GON4L: variants seen among roughly 807,000 people sequenced by gnomAD.
GON4L encodes the protein GON-4-like protein.
A neutral mutation model predicts 211.8 loss-of-function variants in GON4L; 87 were observed. The observed-to-expected ratio is 0.41, with a 90% CI of 0.35 to 0.49. GON4L has a LOEUF of 0.49. Ranked by LOEUF, GON4L falls within the 20% of genes least tolerant of loss-of-function variation. The pLI is 0.15. For missense variants in GON4L, 2,155 were observed against 2,659.5 expected (o/e 0.81, Z 4.17); for synonymous variants, 875 against 962.6 (o/e 0.91, Z 1.68).
At chr1:155,789,153 AG>A (rs1290603813) in intron 12 of GON4L, among the ~76,000 whole-genome samples, 1 of 151,784 alleles carries the variant, frequency 6.6e-6, no homozygotes, top group Non-Finnish European at 1.5e-5. Flanking sequence ...TTGACTTGGA[AG>A]GGGCATGAGG....
rs543569953 is a variant in GON4L at position 155,846,199 on chromosome 1, T to C, written c.505+7077A>G. ...CCCTACACAACCTCATCAACAAGAT[T>C]GCCAACTGGGATGCAGAGAAGAAAG... On this transcript the variant is annotated intron_variant, in intron 2 of 31. Coordinates refer to ENST00000368331, the MANE Select transcript of GON4L (RefSeq NM_001282860.2). 8 of 229,880 alleles carry C rather than the reference T, an allele frequency of 3.5e-5. No homozygotes were observed. The South Asian group carries it at 6.4e-4, about 18-fold the overall frequency. The allele number at this position is 229,880 out of a possible 1,614,324, so 14.2% of individuals were successfully genotyped here.
chr1:155,795,327 A>G (rs573657477), intron 11 of GON4L, among the ~76,000 whole-genome samples, 176 bp from the exon 12 acceptor site: 113 of 151,662 alleles, frequency 7.5e-4, no homozygotes, highest in Middle Eastern at 7.0e-3. Flanking sequence ...CCCGGGCTCA[A>G]GTGATCCTCC....
At chr1:155,818,127 CTTT>C (rs1210049172) in intron 6 of GON4L, among the ~76,000 whole-genome samples, 1 of 144,822 alleles carries the variant, frequency 6.9e-6, no homozygotes, top group African/African-American at 2.5e-5. Flanking sequence ...TAATTATATT[CTTT>C]TTTTTTTTTA....
rs952385614 is a variant in GON4L, at chr1:155,852,700, G to A, written c.505+576C>T. Among the ~76,000 whole-genome samples the A allele has an allele frequency of 1.8e-4, 28 of 151,996 alleles. 1 individual carries two copies. Among genetic ancestry groups the A allele is most frequent in the African/African-American group, 6.5e-4 (27 of 41,394 alleles). On this transcript the variant is annotated intron_variant, in intron 2 of 31. Transcript: ENST00000368331. The stretch of plus-strand genomic sequence containing the variant: ...GGAGCTTGCAGTGAGCCGAGACCAC[G>A]CCACTGCACCCTGGCCTGGGTGACA...
chr1:155,785,722 C>T (rs1664873548), intron 12 of GON4L, among the ~76,000 whole-genome samples: 1 of 152,184 alleles, frequency 6.6e-6, no homozygotes, highest in South Asian at 2.1e-4. Flanking sequence ...CTCAAGTGAT[C>T]AGCCCAACTC....
chr1:155,832,703 T>A (rs1669915319), intron 2 of GON4L: 1 of 152,148 alleles, frequency 6.6e-6, no homozygotes, highest in African/African-American at 2.4e-5. Context: ...AAAATGTCAA[T>A]ACTTGAAAAT....
chr1:155,832,777 T>C (rs1669920338), intron 2 of GON4L: 1 of 152,230 alleles, frequency 6.6e-6, no homozygotes, highest in Admixed American at 6.6e-5. Flanking sequence ...GCTGCTTTCA[T>C]AATCAGAAAA....
chr1:155,765,570 A>G lies in GON4L; in HGVS notation c.3903T>C (p.Ala1301=). ...TVVKTEEGRQ[A]LEPLPQGIQE... ...GGATGCCCTGAGGGAGCGGCTCCAG[A>G]GCTTGCCTCCCCTCCTCTGTTTTCA... Residue 1301 remains alanine (A), a synonymous_variant, in exon 21 of 32, where the codon GCT becomes GCC. Coordinates refer to ENST00000368331, the MANE Select transcript of GON4L (RefSeq NM_001282860.2). The G allele has an allele frequency of 1.2e-6, 2 of 1,614,102 alleles. No homozygotes were observed. Among genetic ancestry groups the G allele is most frequent in the African/African-American group, 2.7e-5 (2 of 75,014 alleles).
At position 155,795,156 on chromosome 1, in the gene GON4L, G is replaced by GA. The variant is rs779753175; in HGVS notation, c.1646-6dup. On this transcript the variant is annotated splice_region_variant and splice_polypyrimidine_tract_variant and intron_variant, in intron 11 of 31. Coordinates refer to ENST00000368331, the MANE Select transcript of GON4L (RefSeq NM_001282860.2). ...CATCATCATCATCTGCTTCATCTAGGAAAAAAAAGTGTTTCAGATGCTCAT... is the reference window on the plus strand; with the variant it reads ...CATCATCATCATCTGCTTCATCTAGGAAAAAAAAAGTGTTTCAGATGCTCAT... 62 of 1,512,696 alleles carry GA rather than the reference G, an allele frequency of 4.1e-5. 1 individual carries two copies. The highest frequency in any genetic ancestry group is 2.3e-4 in the East Asian group (10 of 44,416). The allele number at this position is 1,512,696 out of a possible 1,614,324, so 93.7% of individuals were successfully genotyped here.
intron 15 of GON4L, 126 bp downstream of exon 15, chr1:155,777,496 T>C: frequency 1.3e-6 from 1 of 782,394 alleles, no homozygotes; most frequent in South Asian, 1.4e-5. Flanking sequence ...GGAGAAATGC[T>C]TGAGCCCAGA....
intron 27 of GON4L, among the ~76,000 whole-genome samples, chr1:155,756,115 G>T (rs1407405302): frequency 6.6e-6 from 1 of 152,044 alleles, no homozygotes; most frequent in Admixed American, 6.6e-5. Context: ...CTGCACTTCA[G>T]TTATGTCTTC....
At chr1:155,772,671 G>A (rs1010451570) in intron 18 of GON4L, among the ~76,000 whole-genome samples, 2 of 152,052 alleles carry the variant, frequency 1.3e-5, no homozygotes, top group Admixed American at 1.3e-4. Flanking sequence ...GAGGTGCAAG[G>A]ATCGCTTGAT....
chr1:155,755,241 T>G (rs1267526019), intron 27 of GON4L, among the ~76,000 whole-genome samples: 1 of 151,912 alleles, frequency 6.6e-6, no homozygotes, highest in East Asian at 1.9e-4. Context: ...TAATTTTTTT[T>G]GTATTTTCAG....
intron 3 of GON4L, among the ~76,000 whole-genome samples, chr1:155,825,940 T>C (rs1030160139): frequency 1.3e-5 from 2 of 151,292 alleles, no homozygotes; most frequent in African/African-American, 4.9e-5. Context: ...CTACTAGGGA[T>C]GCTGAGGCGG....
intron 6 of GON4L, among the ~76,000 whole-genome samples, chr1:155,819,346 A>C (rs1668539326): frequency 1.3e-5 from 2 of 152,180 alleles, no homozygotes; most frequent in African/African-American, 4.8e-5. Flanking sequence ...CCAAGAAAAG[A>C]ATGTTATGAA....
At chr1:155,780,711 A>G (rs1451586718) in intron 14 of GON4L, among the ~76,000 whole-genome samples, 1 of 152,172 alleles carries the variant, frequency 6.6e-6, no homozygotes, top group Non-Finnish European at 1.5e-5. Context: ...GCAAAAACTG[A>G]AAAACCCAGC....
At chr1:155,748,874 T>C (rs574676778), downstream of GON4L, 69 of 1,295,832 alleles carry the variant, frequency 5.3e-5, no homozygotes, top group Middle Eastern at 1.0e-3. Flanking sequence ...TCTAATGATG[T>C]TGTTCCCTCC....
chr1:155,822,877 C>A (rs2102266961), intron 3 of GON4L, among the ~76,000 whole-genome samples: 1 of 152,336 alleles, frequency 6.6e-6, no homozygotes, highest in Admixed American at 6.5e-5. Flanking sequence ...CTCAGCGCAA[C>A]CTCCGCCTCC....
At chr1:155,780,725 A>G (rs1664337494) in intron 14 of GON4L, among the ~76,000 whole-genome samples, 1 of 152,158 alleles carries the variant, frequency 6.6e-6, no homozygotes. Context: ...ACCCAGCATG[A>G]CAGTTCTGAA....
Sources: allele counts gnomAD v4.1 joint callset (sites outside exome capture counted in the v4.1 genomes callset), GRCh38; gene constraint gnomAD v4.1.1; transcripts MANE v1.5; gene names NCBI Gene and HGNC (gene_info 2026-07-23, HGNC 2026-07-21).